ATF6: variants seen among roughly 807,000 people sequenced by gnomAD.
ATF6 encodes activating transcription factor 6, also known as cyclic AMP-dependent transcription factor ATF-6 alpha.
ATF6 carries 53 observed loss-of-function variants against 83.6 expected under a neutral mutation model. That is an observed-to-expected ratio of 0.63 (90% CI 0.51 to 0.80). The LOEUF (loss-of-function observed/expected upper bound fraction) is 0.80. Ranked by LOEUF, ATF6 falls within the 30% of genes least tolerant of loss-of-function variation. ATF6 has a pLI of 0.00. For missense variants in ATF6, 744 were observed against 797.9 expected, an observed-to-expected ratio of 0.93 and a Z score of 0.81; for synonymous variants, 288 against 285.8, an observed-to-expected ratio of 1.01 and a Z score of -0.08.
In ATF6 at chr1:161,846,508, G is replaced by A; in HGVS notation, c.1247G>A (p.Arg416Lys). The A allele has an allele frequency of 6.2e-7, 1 of 1,611,858 alleles. No individual in the cohort carries two copies. Among genetic ancestry groups the A allele is most frequent in the Non-Finnish European group, 8.5e-7 (1 of 1,178,630 alleles). Residue 416 changes from arginine to lysine, a missense_variant, in exon 10 of 16, where the codon AGG (arginine) becomes AAG (lysine). Coordinates refer to ENST00000367942, the MANE Select transcript of ATF6 (RefSeq NM_007348.4). Reference protein sequence around the residue: ...NPSVSPANQRRHLLGFSAKEA... With the variant: ...NPSVSPANQRKHLLGFSAKEA... ...AGTGTGAGCCCTGCAAATCAAAGGA[G>A]GCACCTTCTAGGATTTTCTGCTAAA...
intron 1 of ATF6, among the ~76,000 whole-genome samples, chr1:161,772,121 G>A (rs76652463): frequency 0.015 from 2,356 of 152,254 alleles, 29 homozygotes; most frequent in Middle Eastern, 0.024. Context: ...TGTTTCCAGT[G>A]TCTCTCATTC....
chr1:161,813,362 A>G (rs1685521706), intron 7 of ATF6, among the ~76,000 whole-genome samples: 2 of 152,222 alleles, frequency 1.3e-5, no homozygotes, highest in South Asian at 2.1e-4. Context: ...TTATTGTGCT[A>G]TGTCGTTGTG....
chr1:161,782,655 C>T (rs1190384741), intron 3 of ATF6, among the ~76,000 whole-genome samples: 4 of 152,166 alleles, frequency 2.6e-5, no homozygotes, highest in Non-Finnish European at 5.9e-5. Context: ...GAATAAATAA[C>T]CAGCACATTC....
chr1:161,945,382 T>G (rs892036411), intron 15 of ATF6, among the ~76,000 whole-genome samples: 3 of 152,248 alleles, frequency 2.0e-5, no homozygotes, highest in African/African-American at 2.4e-5. Flanking sequence ...CTTGAGCACT[T>G]TTATATATCT....
At position 161,785,231 on chromosome 1, in the gene ATF6, A is replaced by T. The variant is rs1684718508; in HGVS notation, c.354+1135A>T. Among the ~76,000 whole-genome samples, 3 of 152,120 alleles carry T rather than the reference A, an allele frequency of 2.0e-5. No homozygotes were observed. In the South Asian group the frequency reaches 6.2e-4, roughly 32 times the overall value. ...TGCTGTTACAGTTCTAGGTTTTTGC[A>T]CATCCTCTTTCTTCTGCCTAGAATA... On this transcript the variant is annotated intron_variant, in intron 4 of 15. Coordinates refer to ENST00000367942, the MANE Select transcript of ATF6 (RefSeq NM_007348.4).
intron 1 of ATF6, among the ~76,000 whole-genome samples, chr1:161,769,186 TGTGTTTCTATAAAGCTTTA>T (rs1684331961): frequency 6.6e-6 from 1 of 152,262 alleles, no homozygotes; most frequent in African/African-American, 2.4e-5. Context: ...TGAGCATGGC[TGTGTTTCTATAAAGCTTTA>T]TAGACACTGA....
chr1:161,888,037 C>A (rs114717328), intron 14 of ATF6, among the ~76,000 whole-genome samples: 3 of 152,144 alleles, frequency 2.0e-5, no homozygotes, highest in Non-Finnish European at 2.9e-5. Context: ...AAATTAGGGG[C>A]TGTTATTTTC....
At chr1:161,782,560 C>A (rs139693354) in intron 3 of ATF6, among the ~76,000 whole-genome samples, 1 of 152,156 alleles carries the variant, frequency 6.6e-6, no homozygotes, top group Non-Finnish European at 1.5e-5. Context: ...TCTAGTATCC[C>A]CTATTGACAG....
chr1:161,793,131 T>C (rs1684923942), intron 6 of ATF6, among the ~76,000 whole-genome samples: 1 of 152,206 alleles, frequency 6.6e-6, no homozygotes, highest in South Asian at 2.1e-4. Context: ...TTGTACTGTA[T>C]CTCCAATTGT....
chr1:161,839,020 A>G (rs1278409354), intron 9 of ATF6, among the ~76,000 whole-genome samples: 1 of 152,214 alleles, frequency 6.6e-6, no homozygotes, highest in Non-Finnish European at 1.5e-5. Flanking sequence ...TCTCAGTTGC[A>G]TTGAAAGTTA....
chr1:161,870,988 G>A (rs1313577079), intron 14 of ATF6, among the ~76,000 whole-genome samples: 1 of 151,640 alleles, frequency 6.6e-6, no homozygotes, highest in Non-Finnish European at 1.5e-5. Context: ...TGCTTTCTCT[G>A]TGCAGGGATA....
chr1:161,885,751 A>T (rs775415611), intron 14 of ATF6, among the ~76,000 whole-genome samples: 9 of 152,166 alleles, frequency 5.9e-5, no homozygotes, highest in Non-Finnish European at 7.4e-5. Flanking sequence ...GTTACCAGGC[A>T]CTGTGCTACC....
chr1:161,929,590 G>C (rs1688392252), intron 15 of ATF6, among the ~76,000 whole-genome samples: 1 of 152,192 alleles, frequency 6.6e-6, no homozygotes, highest in Non-Finnish European at 1.5e-5. Context: ...CACAAGATAG[G>C]AGGTTCTGTA....
At chr1:161,940,889 C>T (rs1247653518) in intron 15 of ATF6, among the ~76,000 whole-genome samples, 1 of 152,106 alleles carries the variant, frequency 6.6e-6, no homozygotes, top group African/African-American at 2.4e-5. Context: ...ATCTCTCCAC[C>T]TCCCCAGGCT....
In ATF6 at chr1:161,846,512, C is replaced by T. The variant is rs1411744609; in HGVS notation, c.1251C>T (p.His417=). 6.2e-7 allele frequency: 1 copy of T among 1,611,640 alleles called. No homozygotes were observed. Among genetic ancestry groups the T allele is most frequent in the Non-Finnish European group, 8.5e-7 (1 of 1,178,572 alleles). The part of the protein sequence containing the change: ...PSVSPANQRR[H]LLGFSAKEAQ... The stretch of plus-strand genomic sequence containing the variant: ...TGAGCCCTGCAAATCAAAGGAGGCA[C>T]CTTCTAGGATTTTCTGCTAAAGAGG... Residue 417 remains histidine (H), a synonymous_variant, in exon 10 of 16, where the codon CAC becomes CAT. Coordinates refer to ENST00000367942, the MANE Select transcript of ATF6 (RefSeq NM_007348.4).
chr1:161,848,954 A>G (rs1237083011), intron 10 of ATF6, among the ~76,000 whole-genome samples: 2 of 150,946 alleles, frequency 1.3e-5, no homozygotes, highest in Non-Finnish European at 1.5e-5. Flanking sequence ...TTTTCCAAAG[A>G]ATATTTTTGG....
intron 12 of ATF6, among the ~76,000 whole-genome samples, 195 bp from the exon 13 acceptor site, chr1:161,860,012 A>G (rs1180296350): frequency 1.3e-5 from 2 of 152,132 alleles, no homozygotes; most frequent in Non-Finnish European, 2.9e-5. Context: ...CTTAATCTCC[A>G]TAAGACACTT....
chr1:161,902,654 G>T (rs1339182764), intron 14 of ATF6, among the ~76,000 whole-genome samples: 3 of 152,180 alleles, frequency 2.0e-5, no homozygotes, highest in African/African-American at 7.2e-5. Flanking sequence ...CTCTCCTTTA[G>T]CTAGTTTACA....
chr1:161,807,390 G>T (rs1685314020), intron 7 of ATF6, among the ~76,000 whole-genome samples: 1 of 152,134 alleles, frequency 6.6e-6, no homozygotes, highest in Admixed American at 6.5e-5. Context: ...AAATTATGTG[G>T]CTAGCTTAGA....
Sources: gnomAD v4.1 joint callset for allele counts (sites outside exome capture counted in the v4.1 genomes callset) on GRCh38, gnomAD v4.1.1 for gene constraint, MANE v1.5 for transcripts, NCBI Gene and HGNC (gene_info 2026-07-23, HGNC 2026-07-21) for gene names.